AP1S3: variants seen among roughly 807,000 people sequenced by gnomAD.
The protein encoded by AP1S3 is AP-1 complex subunit sigma-3.
Under a neutral mutation model 20.9 loss-of-function variants are expected in AP1S3, and 10 were observed. That is an observed-to-expected ratio of 0.48 (90% confidence interval 0.29 to 0.81). AP1S3 has a LOEUF of 0.81. Among genes scored for constraint, AP1S3 ranks in the 30% least tolerant of loss-of-function variants. The pLI is 0.08. For missense variants in AP1S3, 154 were observed against 183.8 expected (o/e 0.84, Z 0.94); for synonymous variants, 41 against 61.5 (o/e 0.67, Z 1.56).
intron 1 of AP1S3, among the ~76,000 whole-genome samples, chr2:223,827,458 C>T (rs1365767486): frequency 6.6e-6 from 1 of 152,152 alleles, no homozygotes; most frequent in Non-Finnish European, 1.5e-5. Flanking sequence ...TCTCAGTTCA[C>T]TGCAACCTCC....
At chr2:223,825,581 C>G (rs114062727) in intron 1 of AP1S3, among the ~76,000 whole-genome samples, 3 of 152,178 alleles carry the variant, frequency 2.0e-5, no homozygotes, top group Non-Finnish European at 4.4e-5. Context: ...TAACAACATA[C>G]TTCAGAGCTT....
chr2:223,807,562 G>A (rs1403428985), intron 1 of AP1S3, among the ~76,000 whole-genome samples: 1 of 152,176 alleles, frequency 6.6e-6, no homozygotes, highest in East Asian at 1.9e-4. Context: ...CTGGTAGGAG[G>A]TGACTGAATC....
chr2:223,836,849 C>T (rs541870868), intron 1 of AP1S3, among the ~76,000 whole-genome samples: 1 of 152,182 alleles, frequency 6.6e-6, no homozygotes, highest in African/African-American at 2.4e-5. Flanking sequence ...ACCCGCCTCA[C>T]CTGGCAGAAG....
chr2:223,776,041 G>A, intron 2 of AP1S3, 32 bp from the exon 3 acceptor site: 1 of 1,555,876 alleles, frequency 6.4e-7, no homozygotes, highest in African/African-American at 1.4e-5. Context: ...AGCAAAATAT[G>A]ACAATACATT....
At chr2:223,789,061 CTA>C (rs1218035310) in intron 1 of AP1S3, among the ~76,000 whole-genome samples, 3 of 151,924 alleles carry the variant, frequency 2.0e-5, no homozygotes, top group Non-Finnish European at 4.4e-5. Flanking sequence ...CTGCTTCTAA[CTA>C]TGAGTAGAGG....
intron 1 of AP1S3, among the ~76,000 whole-genome samples, chr2:223,795,908 C>G (rs1691326341): frequency 6.6e-6 from 1 of 152,122 alleles, no homozygotes; most frequent in Non-Finnish European, 1.5e-5. Flanking sequence ...CACGGTGGCT[C>G]ACGCCTGTAA....
chr2:223,829,257 A>C (rs1427035068), intron 1 of AP1S3, among the ~76,000 whole-genome samples: 3 of 152,236 alleles, frequency 2.0e-5, no homozygotes, highest in Admixed American at 6.5e-5. Flanking sequence ...AAGCTGCCCT[A>C]GAAAATGGGT....
At chr2:223,781,745 C>G (rs1052074661) in intron 1 of AP1S3, among the ~76,000 whole-genome samples, 2 of 152,084 alleles carry the variant, frequency 1.3e-5, no homozygotes, top group Non-Finnish European at 2.9e-5. Context: ...TAGGGCTCAG[C>G]ATTGCATCAT....
intron 1 of AP1S3, among the ~76,000 whole-genome samples, chr2:223,823,647 G>A (rs1692047997): frequency 6.6e-6 from 1 of 152,174 alleles, no homozygotes; most frequent in African/African-American, 2.4e-5. Flanking sequence ...TTAGACAACA[G>A]CAGTAAATTC....
At chr2:223,830,589 C>A (rs1692235714) in intron 1 of AP1S3, among the ~76,000 whole-genome samples, 2 of 152,176 alleles carry the variant, frequency 1.3e-5, no homozygotes, top group South Asian at 4.2e-4. Flanking sequence ...GTATGGGCAC[C>A]CCAGTTTGCA....
intron 1 of AP1S3, among the ~76,000 whole-genome samples, chr2:223,796,476 T>C (rs187367304): frequency 4.6e-4 from 70 of 152,298 alleles, no homozygotes; most frequent in Admixed American, 2.0e-3. Flanking sequence ...TCCATTATTA[T>C]TATTTAAATA....
intron 3 of AP1S3, 54 bp from the exon 4 acceptor site, chr2:223,765,404 C>T: frequency 6.4e-7 from 1 of 1,551,562 alleles, no homozygotes; most frequent in South Asian, 1.2e-5. Flanking sequence ...TCAGGGGAAA[C>T]ATCTGCCCGA....
At chr2:223,814,746 G>C (rs1691806529) in intron 1 of AP1S3, among the ~76,000 whole-genome samples, 1 of 152,124 alleles carries the variant, frequency 6.6e-6, no homozygotes, top group African/African-American at 2.4e-5. Context: ...GAGATTTCAG[G>C]CTGACAATAA....
intron 1 of AP1S3, among the ~76,000 whole-genome samples, chr2:223,801,969 G>A (rs1691477418): frequency 5.3e-5 from 8 of 152,188 alleles, no homozygotes; most frequent in Admixed American, 5.2e-4. Flanking sequence ...AAAGCTCTAA[G>A]TAAAGTTTTT....
intron 1 of AP1S3, among the ~76,000 whole-genome samples, chr2:223,823,462 T>TA (rs558606621): frequency 2.5e-4 from 38 of 152,314 alleles, no homozygotes; most frequent in African/African-American, 8.9e-4. Context: ...TGAAAGACAT[T>TA]ATATTAAGTG....
chr2:223,828,058 T>TAAAAAAA (rs527671959), intron 1 of AP1S3, among the ~76,000 whole-genome samples: 60 of 94,580 alleles, frequency 6.3e-4, no homozygotes, highest in Non-Finnish European at 7.7e-4. Context: ...AGACTTCATC[T>TAAAAAAA]AAAAAAAAAA....
At chr2:223,785,195 AGCCGG>A (rs1691044587) in intron 1 of AP1S3, among the ~76,000 whole-genome samples, 1 of 152,116 alleles carries the variant, frequency 6.6e-6, no homozygotes, top group South Asian at 2.1e-4. Context: ...ACAAAAAATT[AGCCGG>A]GCGTGGTGGT....
At chr2:223,816,298 A>T (rs1478388497) in intron 1 of AP1S3, among the ~76,000 whole-genome samples, 1 of 151,882 alleles carries the variant, frequency 6.6e-6, no homozygotes, top group Non-Finnish European at 1.5e-5. Flanking sequence ...CCGCTATGAC[A>T]GATAGTGGGC....
At chr2:223,804,056 T>C (rs907591110) in intron 1 of AP1S3, among the ~76,000 whole-genome samples, 1 of 152,188 alleles carries the variant, frequency 6.6e-6, no homozygotes, top group African/African-American at 2.4e-5. Context: ...CCTGCATCTC[T>C]AATTTCACAG....
Sources: gnomAD v4.1 joint callset for allele counts (sites outside exome capture counted in the v4.1 genomes callset) on GRCh38, gnomAD v4.1.1 for gene constraint, MANE v1.5 for transcripts, NCBI Gene and HGNC (gene_info 2026-07-23, HGNC 2026-07-21) for gene names.